Variants in LRBA observed in about 807,000 individuals in gnomAD.
LRBA encodes LPS responsive beige-like anchor protein, also known as lipopolysaccharide-responsive and beige-like anchor protein.
A neutral mutation model predicts 330.0 loss-of-function variants in LRBA; 176 were observed. The ratio of observed to expected loss-of-function variants is 0.53; its 90% CI spans 0.47 to 0.60. The LOEUF (loss-of-function observed/expected upper bound fraction) is 0.60, where lower values mean the gene tolerates loss of function less well. LRBA is among the 20% of genes least tolerant of loss of function. LRBA has a pLI of 0.00. For missense variants in LRBA, 3,259 were observed against 3,444.8 expected, an observed-to-expected ratio of 0.95 and a Z score of 1.35; for synonymous variants, 1,230 against 1,193.0, an observed-to-expected ratio of 1.03 and a Z score of -0.64.
At chr4:150,855,613 C>T (rs528703120) in intron 22 of LRBA, among the ~76,000 whole-genome samples, 40 of 151,996 alleles carry the variant, frequency 2.6e-4, no homozygotes, top group Non-Finnish European at 5.0e-4. Context: ...GTTACCAGTA[C>T]CTCACAATTC....
chr4:150,409,831 C>G (rs917833322), intron 47 of LRBA, among the ~76,000 whole-genome samples: 4 of 151,996 alleles, frequency 2.6e-5, no homozygotes, highest in Non-Finnish European at 5.9e-5. Context: ...CGGCTAAAAG[C>G]AAACCAAACA....
rs137977971 is a variant in LRBA at position 150,269,775 on chromosome 4, C to A, written c.8469-3963G>T. On this transcript the variant is annotated intron_variant, in intron 56 of 56. Transcript: ENST00000651943. Reference sequence around the variant, plus strand: ...ACCAGCCTGGGCAACATAGTGAGACCCTGTCTCTACAGAAAATAAAAAAGC... The same window carrying A: ...ACCAGCCTGGGCAACATAGTGAGACACTGTCTCTACAGAAAATAAAAAAGC... Among the ~76,000 whole-genome samples the A allele has an allele frequency of 5.9e-5, 9 of 152,144 alleles. No individual in the cohort carries two copies. In the East Asian group the frequency reaches 1.7e-3, roughly 29 times the overall value.
intron 34 of LRBA, among the ~76,000 whole-genome samples, chr4:150,773,343 C>T (rs543029313): frequency 6.6e-6 from 1 of 152,338 alleles, no homozygotes; most frequent in South Asian, 2.1e-4. Flanking sequence ...AAAACGACTT[C>T]TAGTGGTCCT....
At position 150,543,569 on chromosome 4, in the gene LRBA, T is replaced by C. The variant is rs80191026; in HGVS notation, c.6330+44479A>G. 1.2e-3 allele frequency among the ~76,000 whole-genome samples: 177 copies of C among 152,310 alleles called. 3 individuals are homozygous for C. Among genetic ancestry groups the C allele is most frequent in the African/African-American group, 4.1e-3 (172 of 41,568 alleles). On this transcript the variant is annotated intron_variant, in intron 40 of 56. Transcript: ENST00000651943. ...ATGAATGGTAAACTTATTTTCTGAA[T>C]AGAAATTGGGGAACTATCATTTGAC...
rs759790118 is a variant in LRBA, at chr4:150,849,371, G to C, written c.4158+51C>G. 2.6e-6 allele frequency: 4 copies of C among 1,544,010 alleles called. No individual in the cohort carries two copies. The South Asian group carries it at 3.4e-5, about 13-fold the overall frequency. ...CATTTAAGTTTTAGTCAATAAAGTT[G>C]CATAACACTCATGTTTTCACACCAA... On this transcript the variant is annotated intron_variant, in intron 25 of 56. Coordinates refer to ENST00000651943, the MANE Select transcript of LRBA (RefSeq NM_001364905.1).
At chr4:150,633,688 G>C (rs1052697270) in intron 37 of LRBA, among the ~76,000 whole-genome samples, 3 of 152,116 alleles carry the variant, frequency 2.0e-5, no homozygotes, top group African/African-American at 7.2e-5. Context: ...CTTTAGAAAA[G>C]CACCCAATAT....
chr4:150,299,650 G>A (rs1729401126), intron 53 of LRBA, among the ~76,000 whole-genome samples: 1 of 151,676 alleles, frequency 6.6e-6, no homozygotes, highest in South Asian at 2.1e-4. Context: ...TATTAGATAT[G>A]GAAAAAACAG....
At chr4:150,692,221 T>G (rs1006178860) in intron 36 of LRBA, among the ~76,000 whole-genome samples, 2 of 152,164 alleles carry the variant, frequency 1.3e-5, no homozygotes, top group Non-Finnish European at 1.5e-5. Context: ...TTTGTTTGTT[T>G]GTTTGTTTGT....
rs1432495716 is a variant in LRBA at position 150,583,842 on chromosome 4, C to T, written c.6330+4206G>A. On this transcript the variant is annotated intron_variant, in intron 40 of 56. Transcript: ENST00000651943. This position sits in a 1 kb window ranked among gnomAD's most constrained non-coding sequence, Gnocchi z 9.8. ...AGCTACCCGGCCAGCCGCTCAACAA[C>T]TACCACATGAAGACGCTGCTGCTGT... The T allele has an allele frequency of 6.2e-7, 1 of 1,614,248 alleles. No homozygotes were observed. The highest frequency in any genetic ancestry group is 1.7e-5 in the Admixed American group (1 of 60,034).
chr4:150,272,596 T>A (rs1165638996), intron 56 of LRBA, among the ~76,000 whole-genome samples: 1 of 151,676 alleles, frequency 6.6e-6, no homozygotes, highest in Non-Finnish European at 1.5e-5. Context: ...CTAACTAGAA[T>A]AACCAGTTTA....
chr4:150,749,061 T>C (rs961207198), intron 35 of LRBA, among the ~76,000 whole-genome samples: 11 of 152,160 alleles, frequency 7.2e-5, no homozygotes, highest in Admixed American at 6.5e-4. Context: ...GTATTTTTTA[T>C]AGCAGCATAC....
intron 37 of LRBA, among the ~76,000 whole-genome samples, chr4:150,660,496 C>A (rs548239371): frequency 2.2e-4 from 34 of 151,458 alleles, no homozygotes; most frequent in South Asian, 1.0e-3. Context: ...GTCAGCCCCC[C>A]CCGCCCGGCC....
At chr4:150,328,794 T>G (rs1027679090) in intron 48 of LRBA, among the ~76,000 whole-genome samples, 3 of 152,058 alleles carry the variant, frequency 2.0e-5, no homozygotes, top group African/African-American at 7.2e-5. Flanking sequence ...AGCCATAGGA[T>G]GAGGGTTTTG....
At chr4:150,285,041 T>C (rs1249415513) in intron 54 of LRBA, among the ~76,000 whole-genome samples, 1 of 152,210 alleles carries the variant, frequency 6.6e-6, no homozygotes, top group Admixed American at 6.5e-5. Context: ...CCAGTGGTTA[T>C]AGAATTATTG....
At chr4:150,579,926 C>T (rs1771058270) in intron 40 of LRBA, 1 of 337,946 alleles carries the variant, frequency 3.0e-6, no homozygotes, top group South Asian at 2.2e-5. Flanking sequence ...TCCCCGCCAC[C>T]AGTCTCCGCC....
At chr4:150,842,827 C>T (rs944113892) in intron 28 of LRBA, among the ~76,000 whole-genome samples, 1 of 151,850 alleles carries the variant, frequency 6.6e-6, no homozygotes, top group Non-Finnish European at 1.5e-5. Flanking sequence ...CACACATATA[C>T]AGCATTGGTC....
At chr4:150,893,415 A>G (rs1183289177) in intron 16 of LRBA, among the ~76,000 whole-genome samples, 1 of 152,076 alleles carries the variant, frequency 6.6e-6, no homozygotes, top group Admixed American at 6.6e-5. Flanking sequence ...CAGTGGTGTG[A>G]TCTCAGCTCA....
intron 44 of LRBA, among the ~76,000 whole-genome samples, chr4:150,438,266 G>C (rs1206050346): frequency 1.3e-5 from 2 of 152,160 alleles, no homozygotes; most frequent in Non-Finnish European, 2.9e-5. Context: ...GAGATTGTTT[G>C]AGTCCAGGAG....
intron 41 of LRBA, among the ~76,000 whole-genome samples, chr4:150,489,233 T>C (rs1389269997): frequency 1.8e-4 from 10 of 54,750 alleles, no homozygotes; most frequent in African/African-American, 6.9e-4. Context: ...TAATATATTA[T>C]ATATACGAAT....
Sources: gnomAD v4.1 joint callset for allele counts (sites outside exome capture counted in the v4.1 genomes callset) on GRCh38, gnomAD v4.1.1 for gene constraint, Gnocchi (gnomAD v3.1) non-coding constraint, MANE v1.5 for transcripts, NCBI Gene and HGNC (gene_info 2026-07-23, HGNC 2026-07-21) for gene names.